ABLIM1: variants seen among roughly 807,000 people sequenced by gnomAD.
The protein encoded by ABLIM1 is actin-binding LIM protein 1.
A neutral mutation model predicts 107.0 loss-of-function variants in ABLIM1; 40 were observed. The observed-to-expected ratio is 0.37, with a 90% CI of 0.29 to 0.49. The LOEUF is 0.49. Ranked by LOEUF, ABLIM1 falls within the 20% of genes least tolerant of loss-of-function variation. ABLIM1 has a pLI of 0.97. For synonymous variants in ABLIM1, 357 were observed against 357.3 expected (o/e 1.00, Z 0.01); for missense variants, 857 against 1,008.5 (o/e 0.85, Z 2.04).
chr10:114,649,005 G>A (rs74158030), intron 1 of ABLIM1, among the ~76,000 whole-genome samples: 3,227 of 152,166 alleles, frequency 0.021, 100 homozygotes, highest in African/African-American at 0.074. Context: ...CAGGGAGAGA[G>A]GAGAGCTAGG....
chr10:114,483,660 G>A (rs2057733217), intron 8 of ABLIM1, among the ~76,000 whole-genome samples: 1 of 152,154 alleles, frequency 6.6e-6, no homozygotes, highest in Admixed American at 6.5e-5. Flanking sequence ...CTATACTTCT[G>A]TCTTTTCCAT....
At chr10:114,708,208 C>T (rs1270775067) in intron 1 of ABLIM1, among the ~76,000 whole-genome samples, 2 of 152,192 alleles carry the variant, frequency 1.3e-5, no homozygotes, top group East Asian at 3.8e-4. Context: ...GATCCAGCTT[C>T]TGGTACATTC....
At position 114,468,401 on chromosome 10, in the gene ABLIM1, A is replaced by G. The variant is rs1243968372; in HGVS notation, c.1276-185T>C. ...GCGATTCTCCTGCCTCAGCCTCCCAAGTAGCTGGGACTACAGGCGCCGCCA... is the reference window on the plus strand; with the variant it reads ...GCGATTCTCCTGCCTCAGCCTCCCAGGTAGCTGGGACTACAGGCGCCGCCA... On this transcript the variant is annotated intron_variant, in intron 10 of 22. Coordinates refer to ENST00000533213, the MANE Select transcript of ABLIM1 (RefSeq NM_002313.7). The G allele has an allele frequency of 5.6e-6, 3 of 536,110 alleles. 1 individual carries two copies. In the Admixed American group the frequency reaches 9.3e-5, roughly 17 times the overall value. 33.2% of individuals were successfully genotyped at this position (536,110 alleles called of 1,614,324 possible).
intron 22 of ABLIM1, 133 bp downstream of exon 22, chr10:114,437,711 C>G: frequency 1.4e-6 from 1 of 717,006 alleles, no homozygotes; most frequent in Non-Finnish European, 2.4e-6. Context: ...TTTCTTAGTT[C>G]TACCTATGAC....
intron 1 of ABLIM1, among the ~76,000 whole-genome samples, chr10:114,744,983 A>T (rs2082353721): frequency 6.6e-6 from 1 of 151,898 alleles, no homozygotes; most frequent in Non-Finnish European, 1.5e-5. Flanking sequence ...CTGTTCTCTC[A>T]ATTGCCCCTC....
At chr10:114,733,757 T>C (rs808340) in intron 1 of ABLIM1, among the ~76,000 whole-genome samples, 98,993 of 152,102 alleles carry the variant, frequency 0.65, 32,543 homozygotes, top group Non-Finnish European at 0.7. Context: ...TACGCCTCCA[T>C]TGCTGATTTG....
intron 6 of ABLIM1, among the ~76,000 whole-genome samples, chr10:114,519,743 TC>T (rs890987513): frequency 2.4e-4 from 36 of 152,270 alleles, no homozygotes; most frequent in African/African-American, 8.4e-4. Flanking sequence ...CGCCCACAGA[TC>T]CCTCATACAT....
chr10:114,793,250 G>A, the ABLIM1 span, among the ~76,000 whole-genome samples: 1 of 152,156 alleles, frequency 6.6e-6, no homozygotes, highest in Non-Finnish European at 1.5e-5. Flanking sequence ...CTCATGAATG[G>A]TTTAGCACCA....
chr10:114,777,335 T>A, the ABLIM1 span, among the ~76,000 whole-genome samples: 1 of 152,224 alleles, frequency 6.6e-6, no homozygotes, highest in Non-Finnish European at 1.5e-5. Flanking sequence ...TTTTCCATAT[T>A]TTTTCTATTT....
chr10:114,704,718 C>G (rs2081386672), intron 1 of ABLIM1, among the ~76,000 whole-genome samples: 1 of 151,980 alleles, frequency 6.6e-6, no homozygotes, highest in African/African-American at 2.4e-5. Flanking sequence ...GGCCTTTTCT[C>G]TGGCATGCAT....
intron 1 of ABLIM1, among the ~76,000 whole-genome samples, chr10:114,634,123 A>ATTTTTTTT (rs1209219359): frequency 4.3e-4 from 29 of 68,180 alleles, no homozygotes; most frequent in African/African-American, 4.9e-4. Context: ...CATTAGCTCA[A>ATTTTTTTT]TTTTTCTTTT....
chr10:114,534,681 C>G (rs1456576639), intron 6 of ABLIM1, among the ~76,000 whole-genome samples: 2 of 152,154 alleles, frequency 1.3e-5, no homozygotes, highest in Non-Finnish European at 2.9e-5. Context: ...CTCAATAATC[C>G]TGGTTGACTT....
the ABLIM1 span, among the ~76,000 whole-genome samples, chr10:114,787,699 G>T: frequency 4.6e-5 from 6 of 130,686 alleles, no homozygotes; most frequent in African/African-American, 1.6e-4. Flanking sequence ...CCGTCCGGGA[G>T]GGAGGTGGGG....
At chr10:114,757,180 G>A (rs11814279) in intron 1 of ABLIM1, among the ~76,000 whole-genome samples, 1,948 of 152,204 alleles carry the variant, frequency 0.013, 32 homozygotes, top group African/African-American at 0.043. Flanking sequence ...AAATAATTAA[G>A]AAATGAAAAA....
At chr10:114,463,084 TG>T in intron 12 of ABLIM1, 1 of 1,322,154 alleles carries the variant, frequency 7.6e-7, no homozygotes, top group South Asian at 1.2e-5. Context: ...AAAGGGGGGT[TG>T]GGGCGGGAGT....
chr10:114,491,967 G>A (rs2059060547), intron 6 of ABLIM1, 89 bp from the exon 7 acceptor site: 1 of 1,100,452 alleles, frequency 9.1e-7, no homozygotes, highest in Non-Finnish European at 1.3e-6. Flanking sequence ...GAAGAAAAGA[G>A]AGGATGCTGA....
upstream of ABLIM1, among the ~76,000 whole-genome samples, chr10:114,685,317 T>C (rs1241200346): frequency 6.6e-6 from 1 of 152,168 alleles, no homozygotes; most frequent in East Asian, 1.9e-4. Context: ...GCTTTAAATG[T>C]GAGGGTAAAA....
intron 2 of ABLIM1, 29 bp downstream of exon 2, chr10:114,601,798 A>C (rs1373915820): frequency 6.2e-7 from 1 of 1,614,168 alleles, no homozygotes; most frequent in African/African-American, 1.3e-5. Flanking sequence ...ATGGCATGCC[A>C]CTGAGCCACG....
chr10:114,689,213 G>A (rs535723923), upstream of ABLIM1, among the ~76,000 whole-genome samples: 11 of 152,258 alleles, frequency 7.2e-5, no homozygotes, highest in East Asian at 1.9e-4. Flanking sequence ...ACCCAGCTTC[G>A]TGTCCTGGTC....
Sources: gnomAD v4.1 joint callset for allele counts (sites outside exome capture counted in the v4.1 genomes callset) on GRCh38, gnomAD v4.1.1 for gene constraint, MANE v1.5 for transcripts, NCBI Gene and HGNC (gene_info 2026-07-23, HGNC 2026-07-21) for gene names.